The following ADAMTS9 variants were observed in gnomAD, a reference collection of about 807,000 sequenced individuals.
The protein encoded by ADAMTS9 is ADAM metallopeptidase with thrombospondin type 1 motif 9.
In ADAMTS9, 107 loss-of-function variants were observed where a neutral mutation model predicts 257.1. That is an observed-to-expected ratio of 0.42 (90% confidence interval 0.36 to 0.49). The LOEUF is 0.49. ADAMTS9 is among the 20% of genes least tolerant of loss of function. ADAMTS9 has a pLI of 0.03. For missense variants in ADAMTS9, 2,353 were observed against 2,469.1 expected (o/e 0.95, Z 1.00); for synonymous variants, 982 against 880.9 (o/e 1.11, Z -2.03).
chr3:64,662,914 C>T (rs989855573), intron 3 of ADAMTS9, among the ~76,000 whole-genome samples: 1 of 152,058 alleles, frequency 6.6e-6, no homozygotes, highest in Non-Finnish European at 1.5e-5. Flanking sequence ...ATTTCATGCA[C>T]ACAATTAATA....
chr3:64,587,232 A>G (rs1237938548), intron 28 of ADAMTS9: 1 of 152,242 alleles, frequency 6.6e-6, no homozygotes. Context: ...TCCAAAACAA[A>G]GGCACGAAAC....
intron 2 of ADAMTS9, among the ~76,000 whole-genome samples, chr3:64,682,630 T>C (rs181123919): frequency 6.6e-6 from 1 of 152,364 alleles, no homozygotes; most frequent in Admixed American, 6.5e-5. Flanking sequence ...CCTTGCATCC[T>C]TCCATTGACA....
chr3:64,549,597 C>A (rs1355494550), intron 31 of ADAMTS9, among the ~76,000 whole-genome samples: 1 of 152,112 alleles, frequency 6.6e-6, no homozygotes. Flanking sequence ...CAGGGCATAC[C>A]GAGAAGATGC....
At chr3:64,577,310 C>G (rs956152113) in intron 28 of ADAMTS9, among the ~76,000 whole-genome samples, 2 of 152,226 alleles carry the variant, frequency 1.3e-5, no homozygotes, top group African/African-American at 4.8e-5. Context: ...TTCCTTATTC[C>G]CAAACACATT....
At chr3:64,613,084 A>G (rs4688490) in intron 22 of ADAMTS9, among the ~76,000 whole-genome samples, 85,909 of 151,916 alleles carry the variant, frequency 0.57, 27,009 homozygotes, top group African/African-American at 0.86. Flanking sequence ...TTGTTCAAAC[A>G]CTCGTCTGCT....
chr3:64,625,835 C>A (rs1700210445), intron 16 of ADAMTS9, among the ~76,000 whole-genome samples: 1 of 152,204 alleles, frequency 6.6e-6, no homozygotes, highest in South Asian at 2.1e-4. Flanking sequence ...CATAGCCTCC[C>A]TGTAACTTTA....
rs1437074025 is a variant in ADAMTS9, at chr3:64,604,210, C to T, written c.3579+17G>A. On this transcript the variant is annotated intron_variant, in intron 24 of 39. Transcript: ENST00000498707. The stretch of plus-strand genomic sequence containing the variant: ...CCCCCATCCTGCCCTCCCCATTTCT[C>T]CCAGTCTATTTCTTACTGGGGTCCA... 5.6e-6 allele frequency: 9 copies of T among 1,608,522 alleles called. No homozygotes were observed. The highest frequency in any genetic ancestry group is 6.8e-6 in the Non-Finnish European group (8 of 1,176,532).
At chr3:64,632,711 A>C (rs1224217458) in intron 14 of ADAMTS9, among the ~76,000 whole-genome samples, 1 of 152,190 alleles carries the variant, frequency 6.6e-6, no homozygotes, top group Non-Finnish European at 1.5e-5. Flanking sequence ...TGTTGCTGTG[A>C]AATGGACAGA....
chr3:64,677,256 C>T (rs1457102132), intron 3 of ADAMTS9, among the ~76,000 whole-genome samples: 1 of 152,098 alleles, frequency 6.6e-6, no homozygotes, highest in African/African-American at 2.4e-5. Flanking sequence ...CACCCCACTT[C>T]CCATCGTGAA....
chr3:64,636,275 A>C (rs1021050864), intron 12 of ADAMTS9, among the ~76,000 whole-genome samples: 1 of 152,178 alleles, frequency 6.6e-6, no homozygotes, highest in Non-Finnish European at 1.5e-5. Context: ...TTTATAAAAA[A>C]CATTTTTTAT....
Position 64,654,408 on chromosome 3 carries a change from T to G in ADAMTS9, c.1261A>C (p.Ser421Arg). 1 of 1,614,136 alleles carries G rather than the reference T, an allele frequency of 6.2e-7. No homozygotes were observed. Among genetic ancestry groups the G allele is most frequent in the Non-Finnish European group, 8.5e-7 (1 of 1,180,010 alleles). Residue 421 changes from serine to arginine, a missense_variant, in exon 8 of 40, where the codon AGT becomes CGT. Physicochemically the swap from Ser to Arg is moderately radical, Grantham distance 110 (BLOSUM62 -1). Coordinates refer to ENST00000498707, the MANE Select transcript of ADAMTS9 (RefSeq NM_182920.2). ...ICDPYRSCSI[S>R]EDSGLSTAFT... ...GCTGTACTCAATCCACTATCTTCAC[T>G]AATAGAACAGCTTCTATAGGGATCA...
chr3:64,587,168 A>G (rs1257362928), intron 28 of ADAMTS9: 1 of 152,084 alleles, frequency 6.6e-6, no homozygotes, highest in African/African-American at 2.4e-5. Context: ...CCATCTTTTC[A>G]CTGTCCTCTG....
chr3:64,669,766 A>T (rs1334770447), intron 3 of ADAMTS9, among the ~76,000 whole-genome samples: 1 of 152,158 alleles, frequency 6.6e-6, no homozygotes, highest in Non-Finnish European at 1.5e-5. Flanking sequence ...AAAGGAGTGG[A>T]CTTTTGCTGA....
Position 64,550,924 on chromosome 3 carries a change from C to A in ADAMTS9, c.4837G>T (p.Glu1613Ter). 1 of 1,614,170 alleles carries A rather than the reference C, an allele frequency of 6.2e-7. No homozygotes were observed. The highest frequency in any genetic ancestry group is 8.5e-7 in the Non-Finnish European group (1 of 1,180,018). ...DRESCSLQPC[E>*]YVWITGEWSE... Reference sequence around the variant, plus strand: ...CATTCTCCTGTGATCCAGACATACTCGCAGGGTTGCAAACTACAGCTTTCA... The same window carrying A: ...CATTCTCCTGTGATCCAGACATACTAGCAGGGTTGCAAACTACAGCTTTCA... The change falls in exon 31 of 40, where the codon GAG becomes TAG. Residue 1613 changes from glutamate (E) to a stop codon, truncating the protein, a stop_gained. Coordinates refer to ENST00000498707, the MANE Select transcript of ADAMTS9 (RefSeq NM_182920.2). LOFTEE classifies it high-confidence loss of function.
At chr3:64,572,939 A>C (rs912786466) in intron 28 of ADAMTS9, among the ~76,000 whole-genome samples, 2 of 152,068 alleles carry the variant, frequency 1.3e-5, no homozygotes, top group Non-Finnish European at 2.9e-5. Flanking sequence ...TTAGCTGGGC[A>C]TGGTGGCATG....
chr3:64,683,915 G>C (rs964516869), intron 2 of ADAMTS9, among the ~76,000 whole-genome samples: 4 of 152,102 alleles, frequency 2.6e-5, no homozygotes, highest in African/African-American at 9.7e-5. Context: ...TGAAGGGGGA[G>C]GGGGAGAGAT....
intron 27 of ADAMTS9, among the ~76,000 whole-genome samples, chr3:64,595,118 T>A (rs1299671105): frequency 1.3e-5 from 2 of 152,044 alleles, no homozygotes; most frequent in East Asian, 3.9e-4. Flanking sequence ...AACTACCCAA[T>A]ACCAAACAAA....
intron 4 of ADAMTS9, among the ~76,000 whole-genome samples, chr3:64,656,564 A>T (rs919415516): frequency 6.6e-6 from 1 of 152,234 alleles, no homozygotes; most frequent in Non-Finnish European, 1.5e-5. Flanking sequence ...CACACTGGTG[A>T]GTAGAAGAGC....
chr3:64,657,669 C>G (rs553851135), intron 4 of ADAMTS9, among the ~76,000 whole-genome samples: 68 of 150,338 alleles, frequency 4.5e-4, no homozygotes, highest in African/African-American at 1.5e-3. Context: ...TTTAATGTGG[C>G]TACATGAAAA....
Sources: allele counts gnomAD v4.1 joint callset (sites outside exome capture counted in the v4.1 genomes callset), GRCh38; gene constraint gnomAD v4.1.1; transcripts MANE v1.5; gene names NCBI Gene and HGNC (gene_info 2026-07-23, HGNC 2026-07-21).